Variants in KSR2 observed in about 807,000 individuals in gnomAD.
KSR2 encodes kinase suppressor of ras 2.
A neutral mutation model predicts 107.8 loss-of-function variants in KSR2; 25 were observed. The observed-to-expected ratio is 0.23, with a 90% confidence interval of 0.17 to 0.32. The LOEUF (loss-of-function observed/expected upper bound fraction) is 0.32. Ranked by LOEUF, KSR2 falls within the 10% of genes least tolerant of loss-of-function variation. The pLI is 1.00. For synonymous variants in KSR2, 480 were observed against 507.0 expected, an observed-to-expected ratio of 0.95 and a Z score of 0.71; for missense variants, 887 against 1,268.9, an observed-to-expected ratio of 0.70 and a Z score of 4.57.
intron 4 of KSR2, among the ~76,000 whole-genome samples, chr12:117,708,934 C>T (rs1220290416): frequency 6.6e-6 from 1 of 152,144 alleles, no homozygotes; most frequent in East Asian, 1.9e-4. Context: ...TGGTAGGCCG[C>T]TCGCATTCCC....
At chr12:117,800,065 G>T (rs1195893296) in intron 3 of KSR2, among the ~76,000 whole-genome samples, 1 of 152,194 alleles carries the variant, frequency 6.6e-6, no homozygotes, top group African/African-American at 2.4e-5. Context: ...ATCTTCCAAG[G>T]TTGGGTACAT....
At chr12:117,906,250 G>C (rs1193975402) in intron 1 of KSR2, among the ~76,000 whole-genome samples, 1 of 151,814 alleles carries the variant, frequency 6.6e-6, no homozygotes, top group Non-Finnish European at 1.5e-5. Context: ...CTACTTGGGA[G>C]GCTAAGGCAG....
chr12:117,617,164 C>A (rs930488633), intron 5 of KSR2, among the ~76,000 whole-genome samples: 1 of 152,184 alleles, frequency 6.6e-6, no homozygotes, highest in African/African-American at 2.4e-5. Context: ...TTCCTCTCCT[C>A]TCCCTCTGGA....
At chr12:117,886,157 T>C (rs567494559) in intron 1 of KSR2, among the ~76,000 whole-genome samples, 1 of 150,746 alleles carries the variant, frequency 6.6e-6, no homozygotes, top group Admixed American at 6.6e-5. Flanking sequence ...AAAATATACA[T>C]GTACATATGT....
In KSR2 at chr12:117,906,215, T is replaced by C. The variant is rs139089937; in HGVS notation, c.181-45784A>G. Among the ~76,000 whole-genome samples, 570 of 151,908 alleles carry C rather than the reference T, an allele frequency of 3.8e-3. 7 individuals are homozygous for C. Among genetic ancestry groups the C allele is most frequent in the African/African-American group, 0.013 (540 of 41,394 alleles). On this transcript the variant is annotated intron_variant, in intron 1 of 19. Coordinates refer to ENST00000339824, the MANE Select transcript of KSR2 (RefSeq NM_173598.6). ...AAATACAAAAAAAATTAACCAGGCA[T>C]GGTGGTGGGCACCTGTAATCCCAGC...
In KSR2 at chr12:117,699,940, TTG is replaced by T. The variant is rs551247630; in HGVS notation, c.987-32284_987-32283del. The stretch of plus-strand genomic sequence containing the variant: ...CTGGCTGGAGTGCAGTGGCGCGACC[TTG>T]GCTCACTGTAACCTATGCCTCCCAG... On this transcript the variant is annotated intron_variant, in intron 4 of 19. Transcript: ENST00000339824. Among the ~76,000 whole-genome samples the T allele has an allele frequency of 2.6e-3, 396 of 152,214 alleles. 1 individual carries two copies. Among genetic ancestry groups the T allele is most frequent in the African/African-American group, 9.1e-3 (377 of 41,542 alleles).
intron 14 of KSR2, among the ~76,000 whole-genome samples, chr12:117,508,266 C>T (rs893855892): frequency 6.6e-6 from 1 of 152,184 alleles, no homozygotes; most frequent in African/African-American, 2.4e-5. Flanking sequence ...TGACCACAGC[C>T]TTCCCATGCT....
chr12:117,577,730 C>T (rs1211809271), intron 7 of KSR2, among the ~76,000 whole-genome samples: 9 of 152,264 alleles, frequency 5.9e-5, no homozygotes, highest in East Asian at 5.8e-4. Context: ...GGCTTATTCA[C>T]GACCACATGG....
At chr12:117,846,456 G>A (rs747233721) in intron 3 of KSR2, among the ~76,000 whole-genome samples, 23 of 151,816 alleles carry the variant, frequency 1.5e-4, no homozygotes, top group Admixed American at 3.3e-4. Flanking sequence ...ACCACACCCA[G>A]TTAGATGGAT....
chr12:117,794,756 C>T (rs1219237058), intron 3 of KSR2, among the ~76,000 whole-genome samples: 5 of 152,044 alleles, frequency 3.3e-5, no homozygotes, highest in South Asian at 2.1e-4. Flanking sequence ...TGCATACACA[C>T]ACCCAACGTG....
chr12:117,542,333 A>C (rs1031957034), intron 9 of KSR2, among the ~76,000 whole-genome samples: 7 of 152,226 alleles, frequency 4.6e-5, no homozygotes, highest in Non-Finnish European at 1.0e-4. Flanking sequence ...TATGTTAATG[A>C]TAGTATATTT....
intron 10 of KSR2, among the ~76,000 whole-genome samples, chr12:117,537,430 A>G (rs768089635): frequency 7.2e-5 from 11 of 152,212 alleles, no homozygotes; most frequent in Non-Finnish European, 1.3e-4. Context: ...TAATAATCCA[A>G]GGAGCCCAGA....
At chr12:117,634,448 C>G (rs762220623) in intron 5 of KSR2, among the ~76,000 whole-genome samples, 1 of 152,082 alleles carries the variant, frequency 6.6e-6, no homozygotes, top group Non-Finnish European at 1.5e-5. Flanking sequence ...TGACAACACC[C>G]ATGAATTCAG....
chr12:117,705,951 G>T (rs995927208), intron 4 of KSR2, among the ~76,000 whole-genome samples: 1 of 151,890 alleles, frequency 6.6e-6, no homozygotes, highest in Non-Finnish European at 1.5e-5. Context: ...CTCACAAGCC[G>T]TTCAGACAAA....
chr12:117,639,160 C>T (rs1191684140), intron 5 of KSR2, among the ~76,000 whole-genome samples: 1 of 152,092 alleles, frequency 6.6e-6, no homozygotes, highest in Non-Finnish European at 1.5e-5. Flanking sequence ...TGGGGCACCT[C>T]TTAAATTTTG....
At chr12:117,912,473 G>A (rs903149638) in intron 1 of KSR2, among the ~76,000 whole-genome samples, 4 of 152,168 alleles carry the variant, frequency 2.6e-5, no homozygotes, top group Non-Finnish European at 5.9e-5. Flanking sequence ...GTTATAATTC[G>A]TACACCCTTA....
intron 3 of KSR2, among the ~76,000 whole-genome samples, chr12:117,769,171 T>C (rs1889348944): frequency 6.6e-6 from 1 of 152,110 alleles, no homozygotes; most frequent in Admixed American, 6.5e-5. Context: ...GAAGAAGTTA[T>C]TTTTCTAGCC....
rs777217859 is a variant in KSR2 at position 117,530,969 on chromosome 12, T to C, written c.1774A>G (p.Ile592Val). 13 of 1,613,586 alleles carry C rather than the reference T, an allele frequency of 8.1e-6. No homozygotes were observed. The highest frequency in any genetic ancestry group is 1.1e-5 in the Non-Finnish European group (13 of 1,179,756). The change falls in exon 12 of 20, where the codon ATC becomes GTC. Residue 592 changes from isoleucine (I) to valine (V), a missense_variant. Transcript: ENST00000339824. ...PETPTRAPQV[I>V]LHPVTSNPIL... ...GGATTCGAGGTCACCGGATGCAGGA[T>C]GACCTGGGGCGCCCGGGTCGGCGTC...
At chr12:117,944,519 G>C (rs1896113837) in intron 1 of KSR2, among the ~76,000 whole-genome samples, 1 of 151,964 alleles carries the variant, frequency 6.6e-6, no homozygotes, top group South Asian at 2.1e-4. Context: ...ATGGTTAAAA[G>C]GTTGAATTTT....
Sources: allele counts gnomAD v4.1 joint callset (sites outside exome capture counted in the v4.1 genomes callset), GRCh38; gene constraint gnomAD v4.1.1; transcripts MANE v1.5; gene names NCBI Gene and HGNC (gene_info 2026-07-23, HGNC 2026-07-21).